MCOLN2: variants seen among roughly 807,000 people sequenced by gnomAD.
MCOLN2 encodes the protein mucolipin-2.
MCOLN2 carries 57 observed loss-of-function variants against 67.5 expected under a neutral mutation model. That is an observed-to-expected ratio of 0.84 (90% CI 0.68 to 1.05). MCOLN2 has a LOEUF of 1.05. Among genes scored for constraint, MCOLN2 ranks in the 50% least tolerant of loss-of-function variants. MCOLN2 has a pLI of 0.00. For synonymous variants in MCOLN2, 246 were observed against 233.3 expected (o/e 1.05, Z -0.50); for missense variants, 620 against 678.8 (o/e 0.91, Z 0.96).
chr1:84,954,549 GAACA>G (rs1367894077), intron 4 of MCOLN2, among the ~76,000 whole-genome samples: 1 of 152,176 alleles, frequency 6.6e-6, no homozygotes, highest in Admixed American at 6.5e-5. Context: ...TTTCACAAAT[GAACA>G]AACCAAGGCC....
At chr1:84,956,257 C>G (rs1648783392) in intron 4 of MCOLN2, among the ~76,000 whole-genome samples, 174 bp downstream of exon 4, 2 of 152,154 alleles carry the variant, frequency 1.3e-5, no homozygotes, top group South Asian at 4.1e-4. Context: ...ATCGCCACAA[C>G]CCCACAGTTT....
At chr1:84,957,859 C>T (rs1013848958) in intron 3 of MCOLN2, among the ~76,000 whole-genome samples, 9 of 152,234 alleles carry the variant, frequency 5.9e-5, no homozygotes, top group Admixed American at 5.2e-4. Flanking sequence ...TCCTCAATGA[C>T]TGGAATAACA....
At chr1:84,956,369 A>G in intron 4 of MCOLN2, 62 bp downstream of exon 4, 1 of 1,544,008 alleles carries the variant, frequency 6.5e-7, no homozygotes, top group Non-Finnish European at 8.8e-7. Context: ...CTAGCACATG[A>G]GGGCATTTCT....
intron 3 of MCOLN2, among the ~76,000 whole-genome samples, 170 bp downstream of exon 3, chr1:84,958,359 C>T (rs780036311): frequency 6.6e-6 from 1 of 152,148 alleles, no homozygotes; most frequent in African/African-American, 2.4e-5. Context: ...AATAGGCAAA[C>T]TCTTTTGTGT....
intron 9 of MCOLN2, 82 bp from the exon 10 acceptor site, chr1:84,938,164 T>A: frequency 1.1e-6 from 1 of 944,958 alleles, no homozygotes; most frequent in Non-Finnish European, 1.6e-6. Flanking sequence ...TTAAACCAAT[T>A]AATAAAAAAA....
In MCOLN2 at chr1:84,958,620, T is replaced by C; in HGVS notation, c.320A>G (p.Lys107Arg). The C allele has an allele frequency of 6.2e-7, 1 of 1,611,652 alleles. No homozygotes were observed. Among genetic ancestry groups the C allele is most frequent in the African/African-American group, 1.3e-5 (1 of 74,948 alleles). Residue 107 changes from lysine (K) to arginine (R), a missense_variant, in exon 3 of 14, where the codon AAA becomes AGA. Lys to Arg is a conservative substitution (Grantham distance 26). Transcript: ENST00000370608. ...ATCTTCATCTGTACCAGAATATCCT[T>C]TCAAAAACAAGTGCTTAAAAGCAAC... is the stretch of plus-strand genomic sequence containing the variant. ...NTVAFKHLFL[K>R]GYSGTDEDDY...
In MCOLN2 at chr1:84,963,628, TAGTG is replaced by T. The variant is rs756986337; in HGVS notation, c.237+1917_237+1920del. On this transcript the variant is annotated intron_variant, in intron 2 of 13. Coordinates refer to ENST00000370608, the MANE Select transcript of MCOLN2 (RefSeq NM_153259.4). ...GAACTCCCCCTTGCTGTTCTCATGA[TAGTG>T]AGTGAGTTCTCATGAGATCTGGTTG... Among the ~76,000 whole-genome samples the T allele has an allele frequency of 1.9e-3, 287 of 152,262 alleles. 2 individuals are homozygous for T. Among genetic ancestry groups the T allele is most frequent in the Non-Finnish European group, 3.1e-3 (211 of 68,006 alleles).
intron 8 of MCOLN2, 73 bp from the exon 9 acceptor site, chr1:84,939,775 C>G (rs1647647316): frequency 6.6e-7 from 1 of 1,508,572 alleles, no homozygotes; most frequent in Non-Finnish European, 9.1e-7. Context: ...AAGTGCAAAA[C>G]AGTGCTCTCA....
chr1:84,980,424 C>T (rs1345367154), intron 1 of MCOLN2, among the ~76,000 whole-genome samples: 1 of 152,114 alleles, frequency 6.6e-6, no homozygotes, highest in Non-Finnish European at 1.5e-5. Context: ...TACCACATAG[C>T]TTTACTAACC....
chr1:84,971,767 T>C (rs968144076), intron 1 of MCOLN2, among the ~76,000 whole-genome samples: 5 of 152,098 alleles, frequency 3.3e-5, no homozygotes, highest in Admixed American at 2.6e-4. Flanking sequence ...TAACCAAGAA[T>C]TAGGTCAGCA....
At chr1:84,988,204 T>C in intron 1 of MCOLN2, among the ~76,000 whole-genome samples, 1 of 146,862 alleles carries the variant, frequency 6.8e-6, no homozygotes, top group South Asian at 2.2e-4. Context: ...TCTGAGGATT[T>C]TTTTTTAATT....
At chr1:84,952,800 A>G (rs1252379942) in intron 4 of MCOLN2, among the ~76,000 whole-genome samples, 2 of 152,244 alleles carry the variant, frequency 1.3e-5, no homozygotes, top group Non-Finnish European at 2.9e-5. Context: ...ACTGAGAAGC[A>G]TATGACATCA....
At chr1:84,966,430 AAGTG>A (rs1287140023) in intron 1 of MCOLN2, among the ~76,000 whole-genome samples, 1 of 152,154 alleles carries the variant, frequency 6.6e-6, no homozygotes, top group Non-Finnish European at 1.5e-5. Context: ...TATGAATTGT[AAGTG>A]AGTGAGTATA....
At position 84,939,713 on chromosome 1, in the gene MCOLN2, C is replaced by A. The variant is rs371051103; in HGVS notation, c.961-11G>T. ...GAAATTTAGAAATCTCTATGGCAAA[C>A]ATTTAAAGAAGCGTTTCTTACAAAC... On this transcript the variant is annotated splice_polypyrimidine_tract_variant and intron_variant, in intron 8 of 13. Transcript: ENST00000370608. 3 of 1,613,512 alleles carry A rather than the reference C, an allele frequency of 1.9e-6. No homozygotes were observed. In the African/African-American group the frequency reaches 4.0e-5, roughly 22 times the overall value.
chr1:84,987,067 C>A (rs535080096), intron 1 of MCOLN2, among the ~76,000 whole-genome samples: 1 of 152,008 alleles, frequency 6.6e-6, no homozygotes, highest in African/African-American at 2.4e-5. Context: ...GAAAAAGATA[C>A]TTGTACACGC....
At chr1:84,931,339 A>G (rs1661391194) in intron 12 of MCOLN2, 23 bp downstream of exon 12, 3 of 1,370,946 alleles carry the variant, frequency 2.2e-6, no homozygotes, top group Non-Finnish European at 3.1e-6. Flanking sequence ...ATTTTTTGGC[A>G]GCAAATTTTG....
chr1:84,968,147 A>G (rs1454420199), intron 1 of MCOLN2, among the ~76,000 whole-genome samples: 2 of 152,182 alleles, frequency 1.3e-5, no homozygotes, highest in Admixed American at 1.3e-4. Flanking sequence ...CCTCAAATTT[A>G]TAGGACTACA....
At chr1:84,940,856 A>AGAGAATGCGAACAC in intron 8 of MCOLN2, 23 bp downstream of exon 8, 2 of 1,539,408 alleles carry the variant, frequency 1.3e-6, no homozygotes, top group Non-Finnish European at 1.8e-6. Context: ...GAGGGCAGGA[A>AGAGAATGCGAACAC]GAGAATGCGA....
intron 12 of MCOLN2, among the ~76,000 whole-genome samples, chr1:84,930,262 CT>C (rs200254741): frequency 5.1e-4 from 76 of 147,750 alleles, no homozygotes; most frequent in African/African-American, 1.7e-3. Context: ...GACCCTCTCT[CT>C]TTTTTTAAAA....
Sources: gnomAD v4.1 joint callset for allele counts (sites outside exome capture counted in the v4.1 genomes callset) on GRCh38, gnomAD v4.1.1 for gene constraint, MANE v1.5 for transcripts, NCBI Gene and HGNC (gene_info 2026-07-23, HGNC 2026-07-21) for gene names.